The following CNTNAP5 variants were observed in gnomAD, a reference collection of about 807,000 sequenced individuals.
CNTNAP5 encodes contactin-associated protein-like 5.
A neutral mutation model predicts 150.2 loss-of-function variants in CNTNAP5; 72 were observed. The ratio of observed to expected loss-of-function variants is 0.48; its 90% CI spans 0.40 to 0.58. CNTNAP5 has a LOEUF of 0.58. Among genes scored for constraint, CNTNAP5 ranks in the 20% least tolerant of loss-of-function variants. The probability of loss-of-function intolerance (pLI) is 0.00; values close to 1 mark genes in which losing one functional copy is unlikely to be tolerated. For missense variants in CNTNAP5, 1,636 were observed against 1,626.2 expected (o/e 1.01, Z -0.10); for synonymous variants, 672 against 619.8 (o/e 1.08, Z -1.25).
At chr2:124,879,302 A>G (rs1432332849) in intron 21 of CNTNAP5, among the ~76,000 whole-genome samples, 1 of 152,118 alleles carries the variant, frequency 6.6e-6, no homozygotes, top group Admixed American at 6.6e-5. Flanking sequence ...TGTATGTTGA[A>G]GGAAAACACA....
At chr2:124,638,979 G>A (rs185792267) in intron 12 of CNTNAP5, among the ~76,000 whole-genome samples, 1 of 151,994 alleles carries the variant, frequency 6.6e-6, no homozygotes, top group African/African-American at 2.4e-5. Context: ...ATATAACCTC[G>A]GCTGCACAGC....
chr2:124,422,450 G>A (rs2104782626), intron 4 of CNTNAP5, among the ~76,000 whole-genome samples: 1 of 152,254 alleles, frequency 6.6e-6, no homozygotes, highest in Middle Eastern at 3.4e-3. Flanking sequence ...TATCAGTCTT[G>A]TATTTGTACT....
intron 1 of CNTNAP5, among the ~76,000 whole-genome samples, chr2:124,155,558 AAAAT>A (rs1684507760): frequency 6.6e-6 from 1 of 152,142 alleles, no homozygotes; most frequent in South Asian, 2.1e-4. Flanking sequence ...TACTAGGAAA[AAAAT>A]AAGATTTCAC....
chr2:124,223,081 C>A (rs951836948), intron 2 of CNTNAP5, among the ~76,000 whole-genome samples: 1 of 152,116 alleles, frequency 6.6e-6, no homozygotes, highest in Non-Finnish European at 1.5e-5. Flanking sequence ...ATTTAGTCCT[C>A]ACAAAGTTGT....
chr2:124,471,290 G>T (rs142059758), intron 6 of CNTNAP5, among the ~76,000 whole-genome samples: 2 of 151,982 alleles, frequency 1.3e-5, no homozygotes, highest in Non-Finnish European at 2.9e-5. Context: ...CACTTTCCTT[G>T]TTAGCTATAT....
In CNTNAP5 at chr2:124,749,703, C is replaced by T. The variant is rs114045607; in HGVS notation, c.2234+2318C>T. On this transcript the variant is annotated intron_variant, in intron 14 of 23. Coordinates refer to ENST00000682447, the MANE Select transcript of CNTNAP5 (RefSeq NM_001367498.1). Reference sequence around the variant, plus strand: ...TGCTGGGATTACAGGCGTGAGCCAACGCTCCCGGCAGACTCTGAGTCCTTT... The same window carrying T: ...TGCTGGGATTACAGGCGTGAGCCAATGCTCCCGGCAGACTCTGAGTCCTTT... 7.8e-3 allele frequency among the ~76,000 whole-genome samples: 1,180 copies of T among 152,254 alleles called. 13 individuals carry two copies. The highest frequency in any genetic ancestry group is 0.013 in the Non-Finnish European group (904 of 68,000).
At chr2:124,872,760 C>T (rs1677778569) in intron 21 of CNTNAP5, among the ~76,000 whole-genome samples, 1 of 151,722 alleles carries the variant, frequency 6.6e-6, no homozygotes. Flanking sequence ...ATGGCCCCTG[C>T]TCTGTGTAAT....
intron 2 of CNTNAP5, among the ~76,000 whole-genome samples, chr2:124,231,832 T>G (rs1686628761): frequency 6.6e-6 from 1 of 152,140 alleles, no homozygotes; most frequent in Non-Finnish European, 1.5e-5. Flanking sequence ...TTCAATGTGA[T>G]AGCCCTCTAT....
At chr2:124,539,764 C>T (rs568394993) in intron 10 of CNTNAP5, among the ~76,000 whole-genome samples, 2 of 152,074 alleles carry the variant, frequency 1.3e-5, no homozygotes, top group South Asian at 2.1e-4. Flanking sequence ...TTTAGAAAAC[C>T]CATACATAGG....
In CNTNAP5 at chr2:124,723,234, G is replaced by A. The variant is rs529513664; in HGVS notation, c.2078-23995G>A. On this transcript the variant is annotated intron_variant, in intron 13 of 23. Coordinates refer to ENST00000682447, the MANE Select transcript of CNTNAP5 (RefSeq NM_001367498.1). ...TGACAGTTTGTGTAGAATTTTCTTT[G>A]CTAAATATTCAAGTTCATCACATAC... Among the ~76,000 whole-genome samples, 3 of 152,190 alleles carry A rather than the reference G, an allele frequency of 2.0e-5. No individual in the cohort carries two copies. The East Asian group carries it at 5.8e-4, about 29-fold the overall frequency.
intron 1 of CNTNAP5, among the ~76,000 whole-genome samples, chr2:124,165,833 A>G (rs1363761152): frequency 6.6e-6 from 1 of 152,170 alleles, no homozygotes; most frequent in South Asian, 2.1e-4. Context: ...CAGATTGCTG[A>G]CTTGGCTTTG....
chr2:124,440,513 G>A (rs1280563861), intron 5 of CNTNAP5, among the ~76,000 whole-genome samples: 1 of 152,108 alleles, frequency 6.6e-6, no homozygotes, highest in Non-Finnish European at 1.5e-5. Flanking sequence ...TGAAAATACT[G>A]CAACATGCAT....
At position 124,354,985 on chromosome 2, in the gene CNTNAP5, G is replaced by C. The variant is rs181970468; in HGVS notation, c.382-62458G>C. On this transcript the variant is annotated intron_variant, in intron 3 of 23. Transcript: ENST00000682447. The stretch of plus-strand genomic sequence containing the variant: ...TGAACCATGAGCTTGGTCTTCTGTA[G>C]AAATAGCTATTCTTAAATCAGGTCC... Among the ~76,000 whole-genome samples, 976 of 151,880 alleles carry C rather than the reference G, an allele frequency of 6.4e-3. 35 individuals are homozygous for C. The highest frequency in any genetic ancestry group is 0.058 in the Admixed American group (880 of 15,244).
intron 2 of CNTNAP5, among the ~76,000 whole-genome samples, chr2:124,237,631 G>A (rs1233932246): frequency 1.3e-5 from 2 of 152,154 alleles, no homozygotes; most frequent in African/African-American, 4.8e-5. Context: ...GAGATCAGGA[G>A]TTCGAGAGCA....
rs550130608 is a variant in CNTNAP5, at chr2:124,773,641, C to CA, written c.2752+625dup. ...CAGGCATCCTTCTTTAGTCATTCCTCACTACTTTCATTCCACTCATAGTCA... is the reference window on the plus strand; with the variant it reads ...CAGGCATCCTTCTTTAGTCATTCCTCAACTACTTTCATTCCACTCATAGTCA... On this transcript the variant is annotated intron_variant, in intron 17 of 23. Coordinates refer to ENST00000682447, the MANE Select transcript of CNTNAP5 (RefSeq NM_001367498.1). Among the ~76,000 whole-genome samples the CA allele has an allele frequency of 3.6e-4, 55 of 152,242 alleles. No individual in the cohort carries two copies. In the East Asian group the frequency reaches 0.011, roughly 29 times the overall value.
chr2:124,809,652 A>T (rs966206001), intron 19 of CNTNAP5, among the ~76,000 whole-genome samples: 1 of 152,092 alleles, frequency 6.6e-6, no homozygotes, highest in African/African-American at 2.4e-5. Flanking sequence ...TTGTTAAAAA[A>T]TCTAGAAAGA....
intron 3 of CNTNAP5, among the ~76,000 whole-genome samples, chr2:124,303,449 G>T (rs997806098): frequency 3.3e-5 from 5 of 152,280 alleles, no homozygotes; most frequent in African/African-American, 1.2e-4. Flanking sequence ...CATAGAAAAT[G>T]TCTGACACTT....
At chr2:124,092,315 T>C (rs1682834245) in intron 1 of CNTNAP5, among the ~76,000 whole-genome samples, 1 of 152,212 alleles carries the variant, frequency 6.6e-6, no homozygotes, top group South Asian at 2.1e-4. Context: ...TGGCAAACTT[T>C]GTAAAGGATT....
chr2:124,234,550 A>T (rs1686700791), intron 2 of CNTNAP5, among the ~76,000 whole-genome samples: 1 of 152,182 alleles, frequency 6.6e-6, no homozygotes, highest in Non-Finnish European at 1.5e-5. Context: ...CTCCCATCCA[A>T]GTTTTTTAAA....
Sources: gnomAD v4.1 joint callset for allele counts (sites outside exome capture counted in the v4.1 genomes callset) on GRCh38, gnomAD v4.1.1 for gene constraint, MANE v1.5 for transcripts, NCBI Gene and HGNC (gene_info 2026-07-23, HGNC 2026-07-21) for gene names.